The following FAM117A variants were observed in gnomAD, a reference collection of about 807,000 sequenced individuals.
FAM117A encodes family with sequence similarity 117 member A, also known as protein FAM117A.
Under a neutral mutation model 44.1 loss-of-function variants are expected in FAM117A, and 21 were observed. That is an observed-to-expected ratio of 0.48 (90% CI 0.34 to 0.69). The LOEUF (loss-of-function observed/expected upper bound fraction) is 0.69. Among genes scored for constraint, FAM117A ranks in the 30% least tolerant of loss-of-function variants. FAM117A has a pLI of 0.01. For synonymous variants in FAM117A, 220 were observed against 238.3 expected (o/e 0.92, Z 0.71); for missense variants, 498 against 589.9 (o/e 0.84, Z 1.61).
At chr17:49,738,035 A>G (rs563034791) in intron 1 of FAM117A, among the ~76,000 whole-genome samples, 3 of 152,320 alleles carry the variant, frequency 2.0e-5, no homozygotes, top group South Asian at 4.1e-4. Context: ...ATTGTCTCCA[A>G]TGACCTATTT....
At chr17:49,782,995 A>T (rs183422822) in intron 1 of FAM117A, among the ~76,000 whole-genome samples, 124 of 152,356 alleles carry the variant, frequency 8.1e-4, no homozygotes, top group African/African-American at 2.7e-3. Context: ...GTCTCAGCCC[A>T]TGGTGACCGG....
intron 1 of FAM117A, among the ~76,000 whole-genome samples, chr17:49,755,150 C>A (rs1216821878): frequency 6.6e-6 from 1 of 152,072 alleles, no homozygotes; most frequent in East Asian, 1.9e-4. Flanking sequence ...GTGTCCAGGG[C>A]CTGCGAAGTG....
intron 1 of FAM117A, among the ~76,000 whole-genome samples, chr17:49,786,091 A>G (rs1271387681): frequency 6.6e-6 from 1 of 152,198 alleles, no homozygotes; most frequent in East Asian, 1.9e-4. Flanking sequence ...TTCTAAATAT[A>G]CCTGGCTGGT....
At chr17:49,727,983 CA>C (rs1357891652) in intron 2 of FAM117A, among the ~76,000 whole-genome samples, 1 of 152,226 alleles carries the variant, frequency 6.6e-6, no homozygotes, top group Non-Finnish European at 1.5e-5. Flanking sequence ...GGTCTCCGGC[CA>C]AACAAAAAGG....
chr17:49,729,539 G>A (rs961271566), intron 2 of FAM117A, among the ~76,000 whole-genome samples: 2 of 129,250 alleles, frequency 1.5e-5, no homozygotes, highest in African/African-American at 3.0e-5. Context: ...ACAGAGTCTC[G>A]CTCTGTTGCC....
At chr17:49,777,439 A>G (rs2073778286) in intron 1 of FAM117A, among the ~76,000 whole-genome samples, 1 of 152,136 alleles carries the variant, frequency 6.6e-6, no homozygotes, top group Non-Finnish European at 1.5e-5. Flanking sequence ...CTCTGGTAGT[A>G]TCTTGTATGA....
chr17:49,744,876 T>C (rs2073648457), intron 1 of FAM117A, among the ~76,000 whole-genome samples: 1 of 151,444 alleles, frequency 6.6e-6, no homozygotes, highest in Admixed American at 6.6e-5. Flanking sequence ...TTTTAAAATT[T>C]GGTGGTATGT....
chr17:49,776,659 G>A (rs767563119), intron 1 of FAM117A, among the ~76,000 whole-genome samples: 11 of 152,178 alleles, frequency 7.2e-5, no homozygotes, highest in Non-Finnish European at 1.6e-4. Context: ...GGGGAGGAGA[G>A]CAAGATGGGG....
At chr17:49,767,787 C>G (rs566803683), upstream of FAM117A, among the ~76,000 whole-genome samples, 1 of 152,180 alleles carries the variant, frequency 6.6e-6, no homozygotes, top group Admixed American at 6.5e-5. Flanking sequence ...GCCTGTAATC[C>G]CAGCTACTCG....
intron 1 of FAM117A, among the ~76,000 whole-genome samples, chr17:49,759,732 G>A (rs1184246935): frequency 6.6e-6 from 1 of 152,154 alleles, no homozygotes; most frequent in African/African-American, 2.4e-5. Flanking sequence ...AGTTTTCAAA[G>A]CATTGCAAAG....
At chr17:49,735,407 A>G (rs1051814100) in intron 1 of FAM117A, among the ~76,000 whole-genome samples, 1 of 151,906 alleles carries the variant, frequency 6.6e-6, no homozygotes, top group Non-Finnish European at 1.5e-5. Flanking sequence ...AAAAGACACT[A>G]ACAATACTAC....
chr17:49,763,812 TCCCCGTCCCCCTCCCGCGGTCACGCGCCC>T, intron 1 of FAM117A, 51 bp downstream of exon 1: 1 of 257,048 alleles, frequency 3.9e-6, no homozygotes, highest in Non-Finnish European at 5.6e-6. Flanking sequence ...CTCACACTTC[TCCCCGTCCCCCTCCCGCGGTCACGCGCCC>T]CCCCTCCCCC....
rs777741670 is a variant in FAM117A, at chr17:49,720,356, T to TA, written c.542dup (p.Gly182ArgfsTer58). On this transcript the variant is annotated frameshift_variant, in exon 4 of 8. Transcript: ENST00000240364. LOFTEE classifies it high-confidence loss of function. ...GTGCTCCCCGCACTGCGTGGTCCCCTAGGAGTGGTGAACCTCGCTCCTTCT... is the reference window on the plus strand; with the variant it reads ...GTGCTCCCCGCACTGCGTGGTCCCCTAAGGAGTGGTGAACCTCGCTCCTTCT... The TA allele has an allele frequency of 6.2e-7, 1 of 1,613,746 alleles. No homozygotes were observed. The highest frequency in any genetic ancestry group is 1.3e-5 in the African/African-American group (1 of 74,940).
chr17:49,761,469 A>T (rs1213422649), intron 1 of FAM117A, among the ~76,000 whole-genome samples: 1 of 152,242 alleles, frequency 6.6e-6, no homozygotes, highest in African/African-American at 2.4e-5. Flanking sequence ...GCACGTTTTA[A>T]GCACTTTCTA....
chr17:49,753,461 G>A (rs980927595), intron 1 of FAM117A, among the ~76,000 whole-genome samples: 5 of 152,176 alleles, frequency 3.3e-5, no homozygotes, highest in Non-Finnish European at 7.3e-5. Context: ...GAAGATGCAC[G>A]AAAACATTTG....
At chr17:49,716,344 G>A in intron 6 of FAM117A, 29 bp from the exon 7 acceptor site, 1 of 1,504,372 alleles carries the variant, frequency 6.6e-7, no homozygotes. Flanking sequence ...TAAGTCTAGT[G>A]GAGATGAAGG....
At chr17:49,764,145 C>G, upstream of FAM117A, 1 of 888,242 alleles carries the variant, frequency 1.1e-6, no homozygotes, top group Non-Finnish European at 1.5e-6. Context: ...CCCCCAACCC[C>G]CGAGGCCGCT....
chr17:49,739,114 C>T (rs1374965699), intron 1 of FAM117A, among the ~76,000 whole-genome samples: 2 of 152,130 alleles, frequency 1.3e-5, no homozygotes, highest in Non-Finnish European at 2.9e-5. Context: ...GGCTGGCTCT[C>T]CCTCTGGCCT....
intron 1 of FAM117A, among the ~76,000 whole-genome samples, chr17:49,751,689 A>C (rs1023281276): frequency 6.6e-6 from 1 of 152,180 alleles, no homozygotes; most frequent in African/African-American, 2.4e-5. Context: ...CACGTCTGTA[A>C]TCCCAGCACT....
Sources: gnomAD v4.1 joint callset for allele counts (sites outside exome capture counted in the v4.1 genomes callset) on GRCh38, gnomAD v4.1.1 for gene constraint, MANE v1.5 for transcripts, NCBI Gene and HGNC (gene_info 2026-07-23, HGNC 2026-07-21) for gene names.